MAP2: variants seen among roughly 807,000 people sequenced by gnomAD.
The protein encoded by MAP2 is microtubule associated protein 2.
Under a neutral mutation model 137.6 loss-of-function variants are expected in MAP2, and 14 were observed. The ratio of observed to expected loss-of-function variants is 0.10; its 90% CI spans 0.07 to 0.16. The LOEUF (loss-of-function observed/expected upper bound fraction) is 0.16. MAP2 is among the 10% of genes least tolerant of loss of function. MAP2 has a pLI of 1.00. For missense variants in MAP2, 2,088 were observed against 2,191.5 expected, an observed-to-expected ratio of 0.95 and a Z score of 0.94; for synonymous variants, 786 against 782.3, an observed-to-expected ratio of 1.00 and a Z score of -0.08.
chr2:209,601,372 A>T (rs1176650302), intron 3 of MAP2, among the ~76,000 whole-genome samples: 1 of 152,184 alleles, frequency 6.6e-6, no homozygotes, highest in Non-Finnish European at 1.5e-5. Flanking sequence ...TTACATAAAA[A>T]TAAATTCTCT....
intron 3 of MAP2, among the ~76,000 whole-genome samples, chr2:209,588,166 G>A (rs779809731): frequency 2.6e-5 from 4 of 152,180 alleles, no homozygotes; most frequent in Non-Finnish European, 4.4e-5. Flanking sequence ...GGTCTTCTTT[G>A]CATCATCAAG....
intron 1 of MAP2, among the ~76,000 whole-genome samples, chr2:209,493,477 A>C (rs1391268324): frequency 1.3e-5 from 2 of 152,230 alleles, no homozygotes; most frequent in Non-Finnish European, 2.9e-5. Flanking sequence ...CAGCAAAAGA[A>C]ACTGTCATCA....
chr2:209,433,214 A>G (rs13012322), intron 1 of MAP2, among the ~76,000 whole-genome samples: 20,708 of 152,122 alleles, frequency 0.14, 3,477 homozygotes, highest in African/African-American at 0.4. Context: ...CATTTCAGAC[A>G]CAAATAAATG....
intron 2 of MAP2, among the ~76,000 whole-genome samples, chr2:209,514,798 C>T (rs2062227677): frequency 6.6e-6 from 1 of 151,970 alleles, no homozygotes; most frequent in African/African-American, 2.4e-5. Context: ...CAGTTATTCA[C>T]CTGAGAATAG....
At chr2:209,510,076 AT>A (rs2061548328) in intron 2 of MAP2, among the ~76,000 whole-genome samples, 1 of 151,224 alleles carries the variant, frequency 6.6e-6, no homozygotes. Context: ...AGGAAGGTAA[AT>A]TTGGCATTGA....
intron 1 of MAP2, among the ~76,000 whole-genome samples, chr2:209,458,588 T>A (rs1702068590): frequency 6.6e-6 from 1 of 152,188 alleles, no homozygotes. Flanking sequence ...ATGGTCACTG[T>A]ATTTGAATAA....
intron 1 of MAP2, among the ~76,000 whole-genome samples, chr2:209,503,302 T>A (rs2060627684): frequency 6.6e-6 from 1 of 152,190 alleles, no homozygotes; most frequent in Non-Finnish European, 1.5e-5. Flanking sequence ...CGCCCAGCCC[T>A]ATATTTTGGA....
At chr2:209,650,171 C>T (rs1004358449) in intron 4 of MAP2, among the ~76,000 whole-genome samples, 3 of 152,060 alleles carry the variant, frequency 2.0e-5, no homozygotes, top group African/African-American at 7.2e-5. Flanking sequence ...GTTGTATTTG[C>T]TTTTAATATT....
intron 2 of MAP2, among the ~76,000 whole-genome samples, chr2:209,571,308 C>T (rs1272765016): frequency 1.3e-5 from 2 of 151,900 alleles, no homozygotes; most frequent in Non-Finnish European, 2.9e-5. Context: ...CATGTCACTG[C>T]CACTCAGGTC....
chr2:209,502,871 A>G (rs1412608776), intron 1 of MAP2, among the ~76,000 whole-genome samples: 1 of 151,730 alleles, frequency 6.6e-6, no homozygotes, highest in African/African-American at 2.4e-5. Context: ...CTTGTTAGCC[A>G]TTGTCATGTC....
chr2:209,556,598 T>G (rs1279780087), intron 2 of MAP2, among the ~76,000 whole-genome samples: 1 of 151,226 alleles, frequency 6.6e-6, no homozygotes, highest in Non-Finnish European at 1.5e-5. Context: ...GGTGCCAGAT[T>G]TCAACCTGAA....
chr2:209,718,923 T>C (rs1275552679), intron 13 of MAP2, among the ~76,000 whole-genome samples: 1 of 152,182 alleles, frequency 6.6e-6, no homozygotes, highest in Non-Finnish European at 1.5e-5. Context: ...ACTTTCAATC[T>C]TCGGGAATAT....
At position 209,618,069 on chromosome 2, in the gene MAP2, C is replaced by T. The variant is rs1421756264; in HGVS notation, c.-106-6984C>T. 2.0e-5 allele frequency among the ~76,000 whole-genome samples: 3 copies of T among 151,846 alleles called. No homozygotes were observed. In the East Asian group the frequency reaches 5.8e-4, roughly 29 times the overall value. The stretch of plus-strand genomic sequence containing the variant: ...TATATATTGTAGTTTACATGAATAT[C>T]AAATAAATATAAGAAACGAGAACCA... On this transcript the variant is annotated intron_variant, in intron 3 of 15. Coordinates refer to ENST00000682079, the MANE Select transcript of MAP2 (RefSeq NM_001375505.1).
In MAP2 at chr2:209,729,926, T is replaced by C. The variant is rs754329026; in HGVS notation, c.5232T>C (p.Asp1744=). The change falls in exon 15 of 16, where the codon GAT becomes GAC. Residue 1744 remains aspartate, a synonymous_variant. Coordinates refer to ENST00000682079, the MANE Select transcript of MAP2 (RefSeq NM_001375505.1). ...CCCAAGCTAAAGTTGGTTCTCTTGA[T>C]AATGCTCATCATGTACCTGGAGGTG... ...EKAQAKVGSL[D]NAHHVPGGGN... is the part of the protein sequence containing the mutation. 5.6e-6 allele frequency: 9 copies of C among 1,613,360 alleles called. No individual in the cohort carries two copies. The Admixed American group carries it at 1.3e-4, about 24-fold the overall frequency.
chr2:209,492,924 A>T (rs149960183), intron 1 of MAP2, among the ~76,000 whole-genome samples: 3,853 of 152,312 alleles, frequency 0.025, 179 homozygotes, highest in African/African-American at 0.088. Flanking sequence ...TCTTCACAGA[A>T]TTAGGAAAAA....
chr2:209,519,477 G>T (rs185747487), intron 2 of MAP2, among the ~76,000 whole-genome samples: 72 of 152,156 alleles, frequency 4.7e-4, no homozygotes, highest in African/African-American at 1.6e-3. Flanking sequence ...TAGGAACTGG[G>T]AGATAGGGGA....
chr2:209,660,739 T>C (rs1371319109), intron 5 of MAP2, among the ~76,000 whole-genome samples: 1 of 133,784 alleles, frequency 7.5e-6, no homozygotes, highest in African/African-American at 2.8e-5. Flanking sequence ...ATTATTATTA[T>C]TATTATTATT....
chr2:209,661,161 C>G (rs1412547841), intron 5 of MAP2, among the ~76,000 whole-genome samples: 1 of 152,178 alleles, frequency 6.6e-6, no homozygotes, highest in Non-Finnish European at 1.5e-5. Flanking sequence ...TTTTCAATCT[C>G]AGAAGATTCA....
At chr2:209,631,386 C>T (rs1392418783) in intron 4 of MAP2, among the ~76,000 whole-genome samples, 4 of 152,066 alleles carry the variant, frequency 2.6e-5, no homozygotes, top group African/African-American at 4.8e-5. Context: ...GCTTTAAAAC[C>T]TCAGTCCTAT....
Sources: gnomAD v4.1 joint callset for allele counts (sites outside exome capture counted in the v4.1 genomes callset) on GRCh38, gnomAD v4.1.1 for gene constraint, MANE v1.5 for transcripts, NCBI Gene and HGNC (gene_info 2026-07-23, HGNC 2026-07-21) for gene names.